The following GYPB variants were observed in gnomAD, a reference collection of about 807,000 sequenced individuals.
The protein encoded by GYPB is glycophorin B (MNS blood group), also known as glycophorin-B.
GYPB carries 13 observed loss-of-function variants against 15.3 expected under a neutral mutation model. That is an observed-to-expected ratio of 0.85 (90% CI 0.55 to 1.35). GYPB has a LOEUF of 1.35. GYPB is among the 40% of genes most tolerant of loss of function. The pLI is 0.00. For synonymous variants in GYPB, 38 were observed against 36.9 expected (o/e 1.03, Z -0.11); for missense variants, 131 against 108.3 (o/e 1.21, Z -0.93).
intron 1 of GYPB, among the ~76,000 whole-genome samples, chr4:144,003,837 C>T (rs535730816): frequency 6.6e-6 from 1 of 151,474 alleles, no homozygotes; most frequent in Admixed American, 6.5e-5. Flanking sequence ...AAGCTGGACT[C>T]AGACCCTAAC....
chr4:143,999,525 T>C (rs1188345459), intron 2 of GYPB, 76 bp from the exon 3 acceptor site: 4 of 778,318 alleles, frequency 5.1e-6, no homozygotes, highest in Non-Finnish European at 8.8e-6. Flanking sequence ...GGAATCAAAC[T>C]GTTCTGCGGG....
At chr4:144,019,192 T>A in intron 1 of GYPB, 59 bp downstream of exon 1, 1 of 1,607,666 alleles carries the variant, frequency 6.2e-7, no homozygotes, top group Non-Finnish European at 8.5e-7. Context: ...GTAGTTCATA[T>A]TTTATTCTAT....
chr4:144,014,484 G>A (rs1014671515), intron 1 of GYPB, among the ~76,000 whole-genome samples: 19 of 151,490 alleles, frequency 1.3e-4, no homozygotes, highest in Non-Finnish European at 2.5e-4. Flanking sequence ...ACTGATACAC[G>A]CTACAATATG....
At chr4:144,015,257 C>A (rs1260435598) in intron 1 of GYPB, among the ~76,000 whole-genome samples, 1 of 151,286 alleles carries the variant, frequency 6.6e-6, no homozygotes, top group Non-Finnish European at 1.5e-5. Context: ...AATCCCAACA[C>A]TCAGAGATAA....
At position 144,002,044 on chromosome 4, in the gene GYPB, C is replaced by T. The variant is rs1179169449; in HGVS notation, c.38-761G>A. Among the ~76,000 whole-genome samples, 13 of 148,280 alleles carry T rather than the reference C, an allele frequency of 8.8e-5. 1 individual carries two copies. Among genetic ancestry groups the T allele is most frequent in the Admixed American group, 8.7e-4 (13 of 14,936 alleles). On this transcript the variant is annotated intron_variant, in intron 1 of 4. Coordinates refer to ENST00000502664, the MANE Select transcript of GYPB (RefSeq NM_002100.6). ...AGATTCACAAATATCCTTTTAAAATCTCATTAAATAAATTGTGAATTATTT... is the reference window on the plus strand; with the variant it reads ...AGATTCACAAATATCCTTTTAAAATTTCATTAAATAAATTGTGAATTATTT...
At chr4:143,999,309 G>A in intron 3 of GYPB, 102 bp downstream of exon 3, 10 of 677,338 alleles carry the variant, frequency 1.5e-5, no homozygotes, top group Non-Finnish European at 2.4e-5. Context: ...AACAACATAT[G>A]CTCTTCTGTT....
At chr4:143,995,269 G>A (rs1727269991), downstream of GYPB, among the ~76,000 whole-genome samples, 1 of 151,376 alleles carries the variant, frequency 6.6e-6, no homozygotes, top group South Asian at 2.1e-4. Context: ...ACCTGGAGAG[G>A]TAATAACATT....
chr4:144,004,806 A>C (rs555119384), intron 1 of GYPB, among the ~76,000 whole-genome samples: 42 of 152,014 alleles, frequency 2.8e-4, no homozygotes, highest in African/African-American at 9.7e-4. Flanking sequence ...TAACCAGCTA[A>C]TAGACATCTG....
At chr4:143,997,172 G>A (rs1218348030) in intron 4 of GYPB, among the ~76,000 whole-genome samples, 1 of 151,018 alleles carries the variant, frequency 6.6e-6, no homozygotes, top group Admixed American at 6.6e-5. Flanking sequence ...CTCCTCCAAA[G>A]TTTTAAACAT....
chr4:144,015,439 T>C (rs1365964482), intron 1 of GYPB, among the ~76,000 whole-genome samples: 2 of 151,324 alleles, frequency 1.3e-5, no homozygotes, highest in Non-Finnish European at 1.5e-5. Flanking sequence ...ATAAGTATGA[T>C]TGGGGTTTTT....
At position 143,997,243 on chromosome 4, in the gene GYPB, C is replaced by G. The variant is rs1293198505; in HGVS notation, c.270+297G>C. ...ATAGGTTAAATACTATAAGAAGAAT[C>G]TTAATATTTCCTCAATATCCATCAA... On this transcript the variant is annotated intron_variant, in intron 4 of 4. Coordinates refer to ENST00000502664, the MANE Select transcript of GYPB (RefSeq NM_002100.6). The G allele has an allele frequency of 3.7e-5, 9 of 246,368 alleles. No individual in the cohort carries two copies. In the South Asian group the frequency reaches 5.2e-4, roughly 14 times the overall value. 15.3% of individuals were successfully genotyped at this position (246,368 alleles called of 1,614,324 possible).
At chr4:144,009,266 G>T (rs1160009596) in intron 1 of GYPB, among the ~76,000 whole-genome samples, 1 of 151,304 alleles carries the variant, frequency 6.6e-6, no homozygotes, top group Admixed American at 6.6e-5. Context: ...GCTTCAGAAA[G>T]CTCCACAGGA....
intron 2 of GYPB, among the ~76,000 whole-genome samples, chr4:143,999,857 C>T (rs539948498): frequency 5.9e-5 from 9 of 151,546 alleles, no homozygotes; most frequent in African/African-American, 9.8e-5. Flanking sequence ...AAGGGTCATG[C>T]GGCTATCAAT....
chr4:144,018,592 A>C (rs1728625389), intron 1 of GYPB, among the ~76,000 whole-genome samples: 1 of 151,052 alleles, frequency 6.6e-6, no homozygotes, highest in Admixed American at 6.6e-5. Flanking sequence ...AAGACACTAA[A>C]TTAATAATTA....
intron 4 of GYPB, among the ~76,000 whole-genome samples, chr4:143,996,533 G>A (rs1238777248): frequency 1.3e-5 from 2 of 151,106 alleles, no homozygotes; most frequent in African/African-American, 2.5e-5. Context: ...TGGAGGCCAA[G>A]GCAGGTGGAT....
intron 1 of GYPB, 140 bp downstream of exon 1, chr4:144,019,111 A>C: frequency 7.3e-7 from 1 of 1,377,996 alleles, no homozygotes; most frequent in Non-Finnish European, 9.7e-7. Context: ...GTTCCAGTAA[A>C]ATCCATCCAC....
chr4:144,013,483 G>A (rs1272064547), intron 1 of GYPB, among the ~76,000 whole-genome samples: 1 of 151,178 alleles, frequency 6.6e-6, no homozygotes, highest in African/African-American at 2.5e-5. Flanking sequence ...TGTTTATTGT[G>A]GCATTATTCA....
chr4:144,015,925 T>C (rs1728470548), intron 1 of GYPB, among the ~76,000 whole-genome samples: 1 of 151,086 alleles, frequency 6.6e-6, no homozygotes, highest in African/African-American at 2.5e-5. Context: ...GCTAAACTAG[T>C]CTGCCACAAA....
At chr4:144,005,357 T>C (rs1254898899) in intron 1 of GYPB, among the ~76,000 whole-genome samples, 3 of 151,926 alleles carry the variant, frequency 2.0e-5, no homozygotes, top group Admixed American at 2.0e-4. Flanking sequence ...AATGTTTTAG[T>C]ATATTAGTCA....
Sources: allele counts gnomAD v4.1 joint callset (sites outside exome capture counted in the v4.1 genomes callset), GRCh38; gene constraint gnomAD v4.1.1; transcripts MANE v1.5; gene names NCBI Gene and HGNC (gene_info 2026-07-23, HGNC 2026-07-21).